The following CCDC30 variants were observed in gnomAD, a reference collection of about 807,000 sequenced individuals.
The protein encoded by CCDC30 is coiled-coil domain containing 30, also known as coiled-coil domain-containing protein 30.
Under a neutral mutation model 100.2 loss-of-function variants are expected in CCDC30, and 70 were observed. The observed-to-expected ratio is 0.70, with a 90% CI of 0.58 to 0.85. CCDC30 has a LOEUF of 0.85. Among genes scored for constraint, CCDC30 ranks in the 40% least tolerant of loss-of-function variants. CCDC30 has a pLI of 0.00. For synonymous variants in CCDC30, 233 were observed against 269.5 expected (o/e 0.86, Z 1.33); for missense variants, 652 against 771.2 (o/e 0.85, Z 1.83).
chr1:42,460,700 G>C (rs1032749443), upstream of CCDC30, among the ~76,000 whole-genome samples: 1 of 152,208 alleles, frequency 6.6e-6, no homozygotes, highest in Non-Finnish European at 1.5e-5. Flanking sequence ...AGTCAACTTA[G>C]CCAGCTGTGC....
At chr1:42,536,494 GA>G (rs1275764932) in intron 6 of CCDC30, 29 of 1,605,260 alleles carry the variant, frequency 1.8e-5, no homozygotes, top group Non-Finnish European at 2.5e-5. Flanking sequence ...AATGAGCCAA[GA>G]AAAAAATGAA....
chr1:42,540,359 A>G (rs1376890161), intron 6 of CCDC30, among the ~76,000 whole-genome samples: 3 of 152,154 alleles, frequency 2.0e-5, no homozygotes, highest in Non-Finnish European at 4.4e-5. Flanking sequence ...GGACCTTGTC[A>G]GCAAGGTAAG....
intron 6 of CCDC30, among the ~76,000 whole-genome samples, chr1:42,516,546 T>C (rs890711118): frequency 4.5e-5 from 6 of 133,116 alleles, no homozygotes; most frequent in Non-Finnish European, 9.2e-5. Context: ...CACTGCAGCC[T>C]GGACGAGAGA....
intron 1 of CCDC30, among the ~76,000 whole-genome samples, chr1:42,469,658 G>T (rs1261813197): frequency 6.6e-6 from 1 of 152,180 alleles, no homozygotes; most frequent in Non-Finnish European, 1.5e-5. Flanking sequence ...CAGGTAAAGG[G>T]ATTAACCTTG....
At position 42,629,040 on chromosome 1, in the gene CCDC30, C is replaced by T. The variant is rs1357363087; in HGVS notation, c.1278-8197C>T. Among the ~76,000 whole-genome samples, 13 of 152,236 alleles carry T rather than the reference C, an allele frequency of 8.5e-5. No individual in the cohort carries two copies. The East Asian group carries it at 2.5e-3, about 29-fold the overall frequency. Reference sequence around the variant, plus strand: ...ATTTTTTATTGGTTTATTGTTTAGTCTTTCTACTTAAGAGTAGTTTACACA... The same window carrying T: ...ATTTTTTATTGGTTTATTGTTTAGTTTTTCTACTTAAGAGTAGTTTACACA... On this transcript the variant is annotated intron_variant, in intron 11 of 16. Transcript: ENST00000668663.
chr1:42,555,529 C>T lies in CCDC30; in HGVS notation c.457-10767C>T, dbSNP rs114178372. Among the ~76,000 whole-genome samples, 1,043 of 152,250 alleles carry T rather than the reference C, an allele frequency of 6.9e-3. 11 individuals carry two copies. Among genetic ancestry groups the T allele is most frequent in the African/African-American group, 0.024 (995 of 41,530 alleles). ...CTAGTGCCTGCCAAAGTGGCTAGTG[C>T]TTATTAAAATCATTATAACCTGTGT... On this transcript the variant is annotated intron_variant, in intron 6 of 16. Transcript: ENST00000668663.
At chr1:42,554,744 C>T (rs946259197) in intron 6 of CCDC30, among the ~76,000 whole-genome samples, 6 of 152,208 alleles carry the variant, frequency 3.9e-5, no homozygotes, top group Admixed American at 3.9e-4. Flanking sequence ...GTCATCCACA[C>T]TCTCTAACCA....
chr1:42,512,012 G>C (rs1444646903), intron 6 of CCDC30, among the ~76,000 whole-genome samples: 1 of 152,222 alleles, frequency 6.6e-6, no homozygotes, highest in African/African-American at 2.4e-5. Flanking sequence ...GATAAACATT[G>C]TTTCTATAGA....
At chr1:42,644,670 C>A (rs1324077198) in intron 13 of CCDC30, 23 bp from the exon 18 acceptor site, 6 of 1,364,136 alleles carry the variant, frequency 4.4e-6, no homozygotes, top group South Asian at 1.2e-5. Flanking sequence ...TCTAATCATG[C>A]CACTGATTTA....
chr1:42,499,780 CTT>C (rs113815487), intron 6 of CCDC30, among the ~76,000 whole-genome samples: 2 of 147,744 alleles, frequency 1.4e-5, no homozygotes. Flanking sequence ...GGCTTGTATT[CTT>C]TTTTTTTTTT....
At chr1:42,459,696 C>T (rs781102134), upstream of CCDC30, 7 of 1,613,964 alleles carry the variant, frequency 4.3e-6, no homozygotes, top group Admixed American at 1.2e-4. Context: ...GGAGACTGAC[C>T]CCGCCATTGT....
At chr1:42,520,611 T>C (rs932893281) in intron 6 of CCDC30, among the ~76,000 whole-genome samples, 7 of 148,712 alleles carry the variant, frequency 4.7e-5, no homozygotes, top group Non-Finnish European at 1.0e-4. Context: ...ATTACAGGCA[T>C]GAGCCACCAC....
At chr1:42,553,094 A>G (rs933599776) in intron 6 of CCDC30, among the ~76,000 whole-genome samples, 1 of 152,096 alleles carries the variant, frequency 6.6e-6, no homozygotes, top group Non-Finnish European at 1.5e-5. Context: ...TTTTTCTGTG[A>G]CGTTCAGCTG....
chr1:42,475,796 T>C lies in CCDC30; in HGVS notation c.-91-4665T>C, dbSNP rs188395048. Among the ~76,000 whole-genome samples, 100 of 152,252 alleles carry C rather than the reference T, an allele frequency of 6.6e-4. 2 individuals are homozygous for C. Among genetic ancestry groups the C allele is most frequent in the Middle Eastern group, 3.4e-3 (1 of 294 alleles). On this transcript the variant is annotated intron_variant, in intron 1 of 16. Coordinates refer to ENST00000668663, the Ensembl canonical transcript of CCDC30. The stretch of plus-strand genomic sequence containing the variant: ...ATCAGCTCCTCTGGAGTAGAGATCA[T>C]GTCCTAGTTTTAGTGATTTGTGTCT...
chr1:42,642,773 T>G (rs1177186393), intron 13 of CCDC30, among the ~76,000 whole-genome samples, 164 bp downstream of exon 17: 1 of 152,144 alleles, frequency 6.6e-6, no homozygotes, highest in Non-Finnish European at 1.5e-5. Flanking sequence ...CAGAAATTGT[T>G]AAATTAAAGA....
intron 4 of CCDC30, among the ~76,000 whole-genome samples, chr1:42,493,575 G>A (rs888955138): frequency 6.6e-6 from 1 of 151,970 alleles, no homozygotes; most frequent in Non-Finnish European, 1.5e-5. Flanking sequence ...CACAGATGGA[G>A]ACTCCATCTC....
intron 1 of CCDC30, among the ~76,000 whole-genome samples, chr1:42,469,968 G>T (rs996024009): frequency 6.6e-6 from 1 of 152,176 alleles, no homozygotes; most frequent in Non-Finnish European, 1.5e-5. Context: ...AATTTGTAAT[G>T]GTTCAGATTT....
At chr1:42,474,312 G>A (rs543827172) in intron 1 of CCDC30, among the ~76,000 whole-genome samples, 2 of 152,304 alleles carry the variant, frequency 1.3e-5, no homozygotes, top group South Asian at 2.1e-4. Flanking sequence ...TGAAATTTCT[G>A]TCTGTAAGAT....
chr1:42,534,034 G>A (rs1335547766), intron 6 of CCDC30: 2 of 151,998 alleles, frequency 1.3e-5, no homozygotes, highest in East Asian at 3.9e-4. Flanking sequence ...CCTTTCTTGT[G>A]TTTTTCTGCT....
Sources: gnomAD v4.1 joint callset for allele counts (sites outside exome capture counted in the v4.1 genomes callset) on GRCh38, gnomAD v4.1.1 for gene constraint, MANE v1.5 for transcripts, NCBI Gene and HGNC (gene_info 2026-07-23, HGNC 2026-07-21) for gene names.